The following NDUFS4 variants were observed in gnomAD, a reference collection of about 807,000 sequenced individuals.
NDUFS4 encodes the protein NADH dehydrogenase [ubiquinone] iron-sulfur protein 4, mitochondrial.
In NDUFS4, 28 loss-of-function variants were observed where a neutral mutation model predicts 24.3. That is an observed-to-expected ratio of 1.15 (90% confidence interval 0.85 to 1.58). The LOEUF (loss-of-function observed/expected upper bound fraction) is 1.58. Among genes scored for constraint, NDUFS4 ranks in the 40% most tolerant of loss-of-function variants. The pLI, the probability that NDUFS4 is intolerant of heterozygous loss-of-function variation, is 0.00. For missense variants in NDUFS4, 223 were observed against 207.9 expected (o/e 1.07, Z -0.45); for synonymous variants, 93 against 69.7 (o/e 1.34, Z -1.67).
chr5:53,609,916 G>A (rs912698530), intron 2 of NDUFS4, among the ~76,000 whole-genome samples: 1 of 152,096 alleles, frequency 6.6e-6, no homozygotes, highest in Admixed American at 6.5e-5. Flanking sequence ...TTGAATTAAG[G>A]GAATGTTGTA....
chr5:53,645,769 GAC>G (rs1751842467), intron 2 of NDUFS4, among the ~76,000 whole-genome samples: 1 of 152,176 alleles, frequency 6.6e-6, no homozygotes, highest in Admixed American at 6.5e-5. Context: ...TAAGCAATTT[GAC>G]ACAGAAATTA....
At position 53,630,067 on chromosome 5, in the gene NDUFS4, A is replaced by G. The variant is rs375497619; in HGVS notation, c.178-16166A>G. The stretch of plus-strand genomic sequence containing the variant: ...TTCCTTCAGGAGTTCTTGTTAAGGC[A>G]GGCCTGATGGTGACAAAGATCTCTC... On this transcript the variant is annotated intron_variant, in intron 2 of 4. Transcript: ENST00000296684. Among the ~76,000 whole-genome samples the G allele has an allele frequency of 9.2e-5, 14 of 152,280 alleles. No individual in the cohort carries two copies. In the South Asian group the frequency reaches 2.7e-3, roughly 29 times the overall value.
intron 1 of NDUFS4, among the ~76,000 whole-genome samples, chr5:53,596,169 A>G (rs1212016007): frequency 2.0e-5 from 3 of 152,064 alleles, no homozygotes; most frequent in Non-Finnish European, 4.4e-5. Flanking sequence ...GGTGTCTCAC[A>G]TCTGTTATCC....
intron 2 of NDUFS4, among the ~76,000 whole-genome samples, chr5:53,645,784 A>G (rs1376803154): frequency 2.6e-5 from 4 of 152,226 alleles, no homozygotes; most frequent in Non-Finnish European, 5.9e-5. Flanking sequence ...AGAAATTATA[A>G]GTAACAGATT....
Position 53,563,236 on chromosome 5 carries a change from C to CAAAAAAAAA in NDUFS4, c.98+2486_98+2494dup, listed in dbSNP as rs906204561. On this transcript the variant is annotated intron_variant, in intron 1 of 4. Coordinates refer to ENST00000296684, the MANE Select transcript of NDUFS4 (RefSeq NM_002495.4). ...AGAGCCAGACTGTGTCTCAAAAAAA[C>CAAAAAAAAA]AAAAAAAAAAAAAAAAAAGAAAAGG... 1.2e-3 allele frequency among the ~76,000 whole-genome samples: 125 copies of CAAAAAAAAA among 104,576 alleles called. 1 individual carries two copies. Among genetic ancestry groups the CAAAAAAAAA allele is most frequent in the Non-Finnish European group, 1.7e-3 (92 of 53,234 alleles). 68.6% of individuals were successfully genotyped at this position (104,576 alleles called of 152,430 possible).
chr5:53,656,874 G>A (rs1017271196), intron 3 of NDUFS4, among the ~76,000 whole-genome samples: 1 of 152,076 alleles, frequency 6.6e-6, no homozygotes, highest in African/African-American at 2.4e-5. Flanking sequence ...GCTTAAACTG[G>A]TGGTGACAGC....
chr5:53,580,019 GACTTCT>G lies in NDUFS4; in HGVS notation c.98+19261_98+19266del. On this transcript the variant is annotated intron_variant, in intron 1 of 4. Transcript: ENST00000296684. The stretch of plus-strand genomic sequence containing the variant: ...CCTGTGAGACTGATTTCCAACTTCT[GACTTCT>G]AGATCTATAAGAGAATAAATGTAAT... Among the ~76,000 whole-genome samples, 4 of 152,248 alleles carry G rather than the reference GACTTCT, an allele frequency of 2.6e-5. No homozygotes were observed. The South Asian group carries it at 8.3e-4, about 32-fold the overall frequency.
intron 1 of NDUFS4, among the ~76,000 whole-genome samples, chr5:53,570,432 A>G (rs1335224031): frequency 2.6e-5 from 4 of 152,180 alleles, no homozygotes; most frequent in Non-Finnish European, 5.9e-5. Flanking sequence ...TGAAGGACAT[A>G]TGAATTATTT....
At chr5:53,568,360 G>T (rs1749106602) in intron 1 of NDUFS4, among the ~76,000 whole-genome samples, 2 of 151,988 alleles carry the variant, frequency 1.3e-5, no homozygotes, top group African/African-American at 4.8e-5. Context: ...GATTCTAATG[G>T]GAAGCTAGGG....
At chr5:53,607,811 AAGAAC>A (rs1485711801) in intron 2 of NDUFS4, among the ~76,000 whole-genome samples, 6 of 152,354 alleles carry the variant, frequency 3.9e-5, no homozygotes, top group Admixed American at 3.3e-4. Flanking sequence ...GTTTGAATGC[AAGAAC>A]AGATGTTAGA....
chr5:53,610,328 C>T (rs1281780814), intron 2 of NDUFS4, among the ~76,000 whole-genome samples: 2 of 152,042 alleles, frequency 1.3e-5, no homozygotes, highest in African/African-American at 4.8e-5. Context: ...ATTTAGTTTG[C>T]TATCTAATAT....
rs373996902 is a variant in NDUFS4, at chr5:53,603,413, T to C, written c.99-39T>C. 6 of 1,483,992 alleles carry C rather than the reference T, an allele frequency of 4.0e-6. No homozygotes were observed. In the African/African-American group the frequency reaches 8.3e-5, roughly 21 times the overall value. 91.9% of individuals were successfully genotyped at this position (1,483,992 alleles called of 1,614,324 possible). A position where few individuals can be genotyped will look rare whatever the true frequency, so the allele number is the denominator to read the frequency against. ...AAGATTTGTCTGTCTCTCCTCTCAT[T>C]GCCTGGATCCTTTTTTAACTTAAAG... is the stretch of plus-strand genomic sequence containing the variant. On this transcript the variant is annotated intron_variant, in intron 1 of 4. Transcript: ENST00000296684.
In NDUFS4 at chr5:53,560,749, G is replaced by A; in HGVS notation, c.87G>A (p.Arg29=). The A allele has an allele frequency of 1.2e-6, 2 of 1,614,212 alleles. No individual in the cohort carries two copies. Among genetic ancestry groups the A allele is most frequent in the South Asian group, 1.1e-5 (1 of 91,072 alleles). Residue 29 remains arginine, a synonymous_variant, in exon 1 of 5, where the codon AGG becomes AGA. Coordinates refer to ENST00000296684, the MANE Select transcript of NDUFS4 (RefSeq NM_002495.4). ...AVAVAALSVS[R]VPTRSLRTST... is the part of the protein sequence containing the mutation. ...CTGTAGCTGCCCTTTCCGTTTCCAG[G>A]GTTCCGACCAGGTAATAGAATTTTC...
Position 53,670,044 on chromosome 5 carries a change from T to C in NDUFS4, c.424+11420T>C, listed in dbSNP as rs570705737. ...AATGAATGTTTTCCTGTCAAGTTAA[T>C]TTGGAGTTTATCCTGAGTTTATTAA... On this transcript the variant is annotated intron_variant, in intron 4 of 4. Coordinates refer to ENST00000296684, the MANE Select transcript of NDUFS4 (RefSeq NM_002495.4). Among the ~76,000 whole-genome samples the C allele has an allele frequency of 3.9e-5, 6 of 152,284 alleles. No homozygotes were observed. The South Asian group carries it at 8.3e-4, about 21-fold the overall frequency.
chr5:53,630,681 A>G (rs1174817226), intron 2 of NDUFS4, among the ~76,000 whole-genome samples: 2 of 151,986 alleles, frequency 1.3e-5, no homozygotes, highest in African/African-American at 2.4e-5. Flanking sequence ...CGGCTATTGA[A>G]GCTTGTGTAT....
At chr5:53,674,008 A>G (rs2111582998) in intron 4 of NDUFS4, among the ~76,000 whole-genome samples, 1 of 152,342 alleles carries the variant, frequency 6.6e-6, no homozygotes, top group Non-Finnish European at 1.5e-5. Context: ...ATAGTGGAGA[A>G]AAGATGTCTT....
chr5:53,597,603 AAAAGTGTATTTTG>A (rs1327784010), intron 1 of NDUFS4, among the ~76,000 whole-genome samples: 13 of 152,320 alleles, frequency 8.5e-5, no homozygotes, highest in African/African-American at 2.6e-4. Flanking sequence ...AGACTTTTTG[AAAAGTGTATTTTG>A]AAGTGTTAAA....
intron 1 of NDUFS4, among the ~76,000 whole-genome samples, chr5:53,586,823 TG>T (rs1175024533): frequency 6.6e-6 from 1 of 151,776 alleles, no homozygotes; most frequent in Non-Finnish European, 1.5e-5. Flanking sequence ...GTGCCCAGCC[TG>T]TTTCTTCCTT....
chr5:53,583,191 C>G (rs998415072), intron 1 of NDUFS4, among the ~76,000 whole-genome samples: 1 of 151,998 alleles, frequency 6.6e-6, no homozygotes, highest in Admixed American at 6.6e-5. Context: ...ATATTTTTTT[C>G]TTATGAAATA....
Sources: allele counts gnomAD v4.1 joint callset (sites outside exome capture counted in the v4.1 genomes callset), GRCh38; gene constraint gnomAD v4.1.1; transcripts MANE v1.5; gene names NCBI Gene and HGNC (gene_info 2026-07-23, HGNC 2026-07-21).